The following C9orf152 variants were observed in gnomAD, a reference collection of about 807,000 sequenced individuals.
C9orf152 encodes uncharacterized protein C9orf152.
C9orf152 carries 8 observed loss-of-function variants against 8.5 expected under a neutral mutation model. The ratio of observed to expected loss-of-function variants is 0.94; its 90% CI spans 0.55 to 1.70. The LOEUF is 1.70. Ranked by LOEUF, C9orf152 falls within the 40% of genes most tolerant of loss-of-function variation. C9orf152 has a pLI of 0.00. For missense variants in C9orf152, 293 were observed against 286.2 expected, an observed-to-expected ratio of 1.02 and a Z score of -0.17; for synonymous variants, 109 against 113.0, an observed-to-expected ratio of 0.96 and a Z score of 0.22.
At chr9:110,206,202 G>A (rs1426756296) in intron 1 of C9orf152, among the ~76,000 whole-genome samples, 1 of 152,098 alleles carries the variant, frequency 6.6e-6, no homozygotes, top group Non-Finnish European at 1.5e-5. Flanking sequence ...GTAATGATGG[G>A]AAAGGGGGTA....
At chr9:110,204,485 A>G (rs1837254217) in intron 1 of C9orf152, among the ~76,000 whole-genome samples, 1 of 151,870 alleles carries the variant, frequency 6.6e-6, no homozygotes, top group Non-Finnish European at 1.5e-5. Context: ...CTCAATGCTC[A>G]CTCTCTCTTC....
chr9:110,207,908 AGAG>A lies in C9orf152; in HGVS notation c.-332_-330del, dbSNP rs932802175. On this transcript the variant is annotated 5_prime_UTR_variant, in exon 1 of 2. Coordinates refer to ENST00000400613, the MANE Select transcript of C9orf152 (RefSeq NM_001012993.3). ...GTGACAAGCGGGGATTAATGGGGCG[AGAG>A]AAGAAAGAGAGGGAGGAAGATGGAG... 4.0e-6 allele frequency: 1 copy of A among 252,032 alleles called. No homozygotes were observed. The highest frequency in any genetic ancestry group is 2.3e-5 in the African/African-American group (1 of 43,592). The allele number at this position is 252,032 out of a possible 1,614,324, so 15.6% of individuals were successfully genotyped here. A position where few individuals can be genotyped will look rare whatever the true frequency, so the allele number is the denominator to read the frequency against.
intron 1 of C9orf152, among the ~76,000 whole-genome samples, chr9:110,203,935 C>G (rs1837247171): frequency 6.6e-6 from 1 of 152,060 alleles, no homozygotes; most frequent in Admixed American, 6.5e-5. Flanking sequence ...CTGCCTGAGA[C>G]CTTTGGTGGA....
chr9:110,204,264 T>C (rs1248278942), intron 1 of C9orf152, among the ~76,000 whole-genome samples: 1 of 152,138 alleles, frequency 6.6e-6, no homozygotes, highest in African/African-American at 2.4e-5. Context: ...TAGCTCAAGG[T>C]CCCCTGGGTA....
In C9orf152 at chr9:110,200,842, C is replaced by T; in HGVS notation, c.*106G>A. ...CACAATTCCTATAATTAGGTTAGTC[C>T]AGTTCTTGCTCATAGCTAGAGACCT... On this transcript the variant is annotated 3_prime_UTR_variant, in exon 2 of 2. Transcript: ENST00000400613. 3 of 1,089,546 alleles carry T rather than the reference C, an allele frequency of 2.8e-6. No individual in the cohort carries two copies. Among genetic ancestry groups the T allele is most frequent in the Non-Finnish European group, 4.0e-6 (3 of 749,898 alleles). The allele number at this position is 1,089,546 out of a possible 1,614,324, so 67.5% of individuals were successfully genotyped here.
At position 110,200,625 on chromosome 9, in the gene C9orf152, C is replaced by T; in HGVS notation, c.*323G>A. 4.3e-6 allele frequency: 1 copy of T among 231,682 alleles called. No individual in the cohort carries two copies. The highest frequency in any genetic ancestry group is 8.3e-6 in the Non-Finnish European group (1 of 120,910). The allele number at this position is 231,682 out of a possible 1,614,324, so 14.4% of individuals were successfully genotyped here. ...CCCTGGTTTATGTTCCAAAATTATCCAGTTCCAGGGATGGAGCAGATGTCT... is the reference window on the plus strand; with the variant it reads ...CCCTGGTTTATGTTCCAAAATTATCTAGTTCCAGGGATGGAGCAGATGTCT... On this transcript the variant is annotated 3_prime_UTR_variant, in exon 2 of 2. Coordinates refer to ENST00000400613, the MANE Select transcript of C9orf152 (RefSeq NM_001012993.3).
rs550347984 is a variant in C9orf152, at chr9:110,200,354, G to A, written c.*594C>T. ...AAGACACAAAATGGTAGGTAGCATT[G>A]ATCTCACCTTCATACCCTGGGTGAC... On this transcript the variant is annotated 3_prime_UTR_variant, in exon 2 of 2. Transcript: ENST00000400613. The A allele has an allele frequency of 6.6e-6, 1 of 152,560 alleles. No individual in the cohort carries two copies. Among genetic ancestry groups the A allele is most frequent in the South Asian group, 2.1e-4 (1 of 4,824 alleles). 9.5% of individuals were successfully genotyped at this position (152,560 alleles called of 1,614,324 possible).
At position 110,201,367 on chromosome 9, in the gene C9orf152, TC is replaced by T; in HGVS notation, c.300del (p.Arg101GlyfsTer65). 1 of 1,603,146 alleles carries T rather than the reference TC, an allele frequency of 6.2e-7. No individual in the cohort carries two copies. Among genetic ancestry groups the T allele is most frequent in the Admixed American group, 1.7e-5 (1 of 58,580 alleles). On this transcript the variant is annotated frameshift_variant, in exon 2 of 2. Transcript: ENST00000400613. LOFTEE classifies it low-confidence loss of function (END_TRUNC). ...CAGCCCTGGGCAGCCTCCTCCAGCCTCCCCTCCACCTCAGAATCTGCCTCTT... is the reference window on the plus strand; with the variant it reads ...CAGCCCTGGGCAGCCTCCTCCAGCCTCCCTCCACCTCAGAATCTGCCTCTT... ...SLEEADSEVE[G>X]RLEEAAQGCL... is the part of the protein sequence containing the mutation.
At position 110,200,967 on chromosome 9, in the gene C9orf152, C is replaced by A; in HGVS notation, c.701G>T (p.Gly234Val). ...AAAGCTTCACGCTGAGCCATATAAG[C>A]CCAGGTTCCGGGCAGCTTGGGAGAT... is the stretch of plus-strand genomic sequence containing the variant. ...PRISQAARNLGLYGSA is the reference protein window; with the variant it reads ...PRISQAARNLVLYGSA Residue 234 changes from glycine (G) to valine (V), a missense_variant, in exon 2 of 2, where the codon GGC (glycine) becomes GTC (valine). Gly to Val is a moderately radical substitution (Grantham distance 109). Transcript: ENST00000400613. 1 of 1,611,030 alleles carries A rather than the reference C, an allele frequency of 6.2e-7. No homozygotes were observed. Among genetic ancestry groups the A allele is most frequent in the Non-Finnish European group, 8.5e-7 (1 of 1,178,626 alleles).
intron 1 of C9orf152, among the ~76,000 whole-genome samples, chr9:110,206,541 T>C (rs1190576986): frequency 1.3e-5 from 2 of 152,132 alleles, no homozygotes; most frequent in Non-Finnish European, 1.5e-5. Context: ...ACAGCCCAGG[T>C]AATGGGAGAT....
chr9:110,201,369 C>A lies in C9orf152; in HGVS notation c.299G>T (p.Gly100Val). The A allele has an allele frequency of 6.2e-7, 1 of 1,602,132 alleles. No homozygotes were observed. Among genetic ancestry groups the A allele is most frequent in the East Asian group, 2.2e-5 (1 of 44,794 alleles). Residue 100 changes from glycine (G) to valine (V), a missense_variant, in exon 2 of 2, where the codon GGG becomes GTG. By Grantham distance (109) the Gly-to-Val change is moderately radical (BLOSUM62 -3). Coordinates refer to ENST00000400613, the MANE Select transcript of C9orf152 (RefSeq NM_001012993.3). The stretch of plus-strand genomic sequence containing the variant: ...GCCCTGGGCAGCCTCCTCCAGCCTC[C>A]CCTCCACCTCAGAATCTGCCTCTTC... ...SLEEADSEVE[G>V]RLEEAAQGCL...
In C9orf152 at chr9:110,207,735, A is replaced by C. The variant is rs1008554185; in HGVS notation, c.-156T>G. On this transcript the variant is annotated 5_prime_UTR_variant, in exon 1 of 2. Coordinates refer to ENST00000400613, the MANE Select transcript of C9orf152 (RefSeq NM_001012993.3). Reference sequence around the variant, plus strand: ...GAAGGAGATAGAAAAATAAGGGGGAAGGAGAAAGATGAAGGGGAAGAGGAG... The same window carrying C: ...GAAGGAGATAGAAAAATAAGGGGGACGGAGAAAGATGAAGGGGAAGAGGAG... The C allele has an allele frequency of 7.2e-6, 4 of 553,108 alleles. No individual in the cohort carries two copies. The African/African-American group carries it at 8.0e-5, about 11-fold the overall frequency. The allele number at this position is 553,108 out of a possible 1,614,324, so 34.3% of individuals were successfully genotyped here. A position where few individuals can be genotyped will look rare whatever the true frequency, so the allele number is the denominator to read the frequency against.
At chr9:110,204,556 C>G (rs1409148418) in intron 1 of C9orf152, among the ~76,000 whole-genome samples, 3 of 152,182 alleles carry the variant, frequency 2.0e-5, no homozygotes, top group Non-Finnish European at 4.4e-5. Flanking sequence ...CCTCTACCAG[C>G]TTGGCTTCAT....
Position 110,200,759 on chromosome 9 carries a change from G to A in C9orf152, c.*189C>T, listed in dbSNP as rs1318826298. 4.9e-6 allele frequency: 3 copies of A among 617,162 alleles called. No homozygotes were observed. Among genetic ancestry groups the A allele is most frequent in the Non-Finnish European group, 8.2e-6 (3 of 364,438 alleles). The allele number at this position is 617,162 out of a possible 1,614,324, so 38.2% of individuals were successfully genotyped here. ...TCCTAAACTGTGGGCAATTTGGCCT[G>A]GGAAGTCTCTTCTTATTGGAAGGGT... On this transcript the variant is annotated 3_prime_UTR_variant, in exon 2 of 2. Coordinates refer to ENST00000400613, the MANE Select transcript of C9orf152 (RefSeq NM_001012993.3).
At chr9:110,206,631 G>T (rs1837276690) in intron 1 of C9orf152, among the ~76,000 whole-genome samples, 1 of 152,176 alleles carries the variant, frequency 6.6e-6, no homozygotes, top group Admixed American at 6.5e-5. Flanking sequence ...GGTCCCTCTG[G>T]CCCCTGATTC....
At chr9:110,202,233 C>T (rs1293804364) in intron 1 of C9orf152, among the ~76,000 whole-genome samples, 1 of 152,126 alleles carries the variant, frequency 6.6e-6, no homozygotes, top group Non-Finnish European at 1.5e-5. Flanking sequence ...AGGCACCTGC[C>T]ACCATGCCTG....
intron 1 of C9orf152, among the ~76,000 whole-genome samples, chr9:110,206,510 C>T (rs995309293): frequency 6.6e-5 from 10 of 152,324 alleles, no homozygotes; most frequent in Middle Eastern, 3.4e-3. Flanking sequence ...CTGCCAGGAA[C>T]GAGGATTCCA....
At chr9:110,206,920 T>G (rs1268393541) in intron 1 of C9orf152, among the ~76,000 whole-genome samples, 1 of 152,172 alleles carries the variant, frequency 6.6e-6, no homozygotes, top group East Asian at 1.9e-4. Flanking sequence ...CCCTGCCTGA[T>G]GTTTGAGGCT....
At chr9:110,201,859 C>T (rs1283993223) in intron 1 of C9orf152, among the ~76,000 whole-genome samples, 1 of 152,088 alleles carries the variant, frequency 6.6e-6, no homozygotes, top group Non-Finnish European at 1.5e-5. Context: ...TTTCGGGTGG[C>T]AATCAATGCA....
Sources: gnomAD v4.1 joint callset for allele counts (sites outside exome capture counted in the v4.1 genomes callset) on GRCh38, gnomAD v4.1.1 for gene constraint, MANE v1.5 for transcripts, NCBI Gene and HGNC (gene_info 2026-07-23, HGNC 2026-07-21) for gene names.